Variants in NOL4 observed in about 807,000 individuals in gnomAD.
The protein encoded by NOL4 is nucleolar protein 4.
In NOL4, 17 loss-of-function variants were observed where a neutral mutation model predicts 75.9. That is an observed-to-expected ratio of 0.22 (90% CI 0.15 to 0.34). The LOEUF (loss-of-function observed/expected upper bound fraction) is 0.34. NOL4 is among the 10% of genes least tolerant of loss of function. The pLI is 1.00. For missense variants in NOL4, 614 were observed against 793.5 expected, an observed-to-expected ratio of 0.77 and a Z score of 2.72; for synonymous variants, 292 against 289.9, an observed-to-expected ratio of 1.01 and a Z score of -0.07.
rs564951073 is a variant in NOL4 at position 33,978,063 on chromosome 18, G to A, written c.1057-19645C>T. On this transcript the variant is annotated intron_variant, in intron 6 of 10. Transcript: ENST00000261592. ...CCCAGAACTCAGTCACATGGGCAAG[G>A]AAAATTTGGAAATGCTGTTTAACTG... 1.4e-4 allele frequency among the ~76,000 whole-genome samples: 22 copies of A among 152,252 alleles called. No homozygotes were observed. The South Asian group carries it at 2.1e-3, about 14-fold the overall frequency.
chr18:33,910,306 T>TTCA (rs2066319255), intron 9 of NOL4, among the ~76,000 whole-genome samples: 1 of 152,150 alleles, frequency 6.6e-6, no homozygotes, highest in Non-Finnish European at 1.5e-5. Context: ...TTACTTGCTC[T>TTCA]CTGGACTCTA....
chr18:34,221,742 C>CA, intron 1 of NOL4: 1 of 321,748 alleles, frequency 3.1e-6, no homozygotes, highest in Non-Finnish European at 5.6e-6. Context: ...CTCAGGAAAC[C>CA]ATAAACTGAT....
At chr18:34,183,521 C>G (rs1284944409) in intron 1 of NOL4, 5 of 151,908 alleles carry the variant, frequency 3.3e-5, no homozygotes, top group African/African-American at 1.2e-4. Flanking sequence ...AACTTACATT[C>G]ACATAAAAAC....
chr18:34,054,348 T>A (rs975583190), intron 5 of NOL4, among the ~76,000 whole-genome samples: 11 of 152,064 alleles, frequency 7.2e-5, no homozygotes, highest in Admixed American at 5.9e-4. Flanking sequence ...TTCCTTCAAT[T>A]CTGCCAATGT....
chr18:33,911,806 G>C (rs989109804), intron 9 of NOL4, among the ~76,000 whole-genome samples: 1 of 151,994 alleles, frequency 6.6e-6, no homozygotes, highest in Non-Finnish European at 1.5e-5. Flanking sequence ...CTGAAAAAAG[G>C]CCTGCAGCAG....
Position 33,960,484 on chromosome 18 carries a change from GCTCCAA to G in NOL4, c.1057-2072_1057-2067del, listed in dbSNP as rs559513045. The stretch of plus-strand genomic sequence containing the variant: ...TTAGTAGTAATTTCTAAAATCTCCT[GCTCCAA>G]CTCCAAGTATCTATCTCAAAGTCAA... On this transcript the variant is annotated intron_variant, in intron 6 of 10. Transcript: ENST00000261592. Among the ~76,000 whole-genome samples, 55 of 152,072 alleles carry G rather than the reference GCTCCAA, an allele frequency of 3.6e-4. 4 individuals carry two copies. The East Asian group carries it at 0.01, about 29-fold the overall frequency.
chr18:34,158,520 CT>C (rs2030860467), intron 1 of NOL4: 1 of 152,164 alleles, frequency 6.6e-6, no homozygotes, highest in Non-Finnish European at 1.5e-5. Flanking sequence ...GATTTTAGCA[CT>C]GGCATATAGA....
chr18:33,967,374 C>T (rs1600088834), intron 6 of NOL4, among the ~76,000 whole-genome samples: 1 of 152,096 alleles, frequency 6.6e-6, no homozygotes, highest in African/African-American at 2.4e-5. Context: ...TTCTAGAAGA[C>T]AACCTAGGAG....
intron 8 of NOL4, among the ~76,000 whole-genome samples, chr18:33,948,066 T>C (rs1463496666): frequency 1.3e-5 from 2 of 151,930 alleles, no homozygotes; most frequent in Non-Finnish European, 2.9e-5. Flanking sequence ...ACAGGATTTT[T>C]GCAATTACAA....
At chr18:34,006,540 C>T (rs888493764) in intron 6 of NOL4, among the ~76,000 whole-genome samples, 5 of 152,044 alleles carry the variant, frequency 3.3e-5, no homozygotes, top group African/African-American at 1.2e-4. Context: ...AACTGGACTG[C>T]TTCCATCATG....
intron 7 of NOL4, among the ~76,000 whole-genome samples, chr18:33,957,755 G>A (rs1015865690): frequency 2.0e-5 from 3 of 152,082 alleles, no homozygotes; most frequent in Non-Finnish European, 4.4e-5. Context: ...ATACAGAAAA[G>A]AATAGACTAT....
At chr18:34,052,833 T>C (rs1356613544) in intron 5 of NOL4, among the ~76,000 whole-genome samples, 1 of 152,028 alleles carries the variant, frequency 6.6e-6, no homozygotes, top group Non-Finnish European at 1.5e-5. Context: ...ATAACAAGCA[T>C]GTAGATACAG....
At chr18:34,137,591 T>C (rs1402699061) in intron 1 of NOL4, among the ~76,000 whole-genome samples, 1 of 152,086 alleles carries the variant, frequency 6.6e-6, no homozygotes, top group Non-Finnish European at 1.5e-5. Context: ...AAACACTACT[T>C]CACATGCACT....
chr18:34,063,732 AC>A (rs1312785399), intron 5 of NOL4, among the ~76,000 whole-genome samples: 1 of 152,078 alleles, frequency 6.6e-6, no homozygotes, highest in East Asian at 1.9e-4. Context: ...ATGATGTGAA[AC>A]AAAAATATAA....
At chr18:33,868,649 TCACACACA>T (rs10669407) in intron 10 of NOL4, among the ~76,000 whole-genome samples, 2,833 of 137,948 alleles carry the variant, frequency 0.021, 46 homozygotes, top group Non-Finnish European at 0.027. Context: ...TTCCTGTATT[TCACACACA>T]CACACACACA....
intron 6 of NOL4, among the ~76,000 whole-genome samples, chr18:33,981,154 T>C (rs114517320): frequency 0.016 from 2,371 of 151,482 alleles, 63 homozygotes; most frequent in African/African-American, 0.054. Flanking sequence ...CTTTCAAAAC[T>C]GAAAAGCAAA....
chr18:33,910,207 CA>C (rs2066310316), intron 9 of NOL4, among the ~76,000 whole-genome samples: 1 of 152,128 alleles, frequency 6.6e-6, no homozygotes, highest in Admixed American at 6.5e-5. Context: ...TTTTCTGGCA[CA>C]ATGAACATTC....
intron 1 of NOL4, among the ~76,000 whole-genome samples, chr18:34,136,499 C>T (rs1481182683): frequency 6.6e-6 from 1 of 151,902 alleles, no homozygotes; most frequent in Non-Finnish European, 1.5e-5. Context: ...AAATGAGTTC[C>T]AGTCAATATT....
intron 1 of NOL4, among the ~76,000 whole-genome samples, chr18:34,145,923 A>G (rs531485519): frequency 1.3e-5 from 2 of 152,234 alleles, no homozygotes; most frequent in South Asian, 4.1e-4. Flanking sequence ...CTTCAGTGAG[A>G]CTACATATAT....
Sources: gnomAD v4.1 joint callset for allele counts (sites outside exome capture counted in the v4.1 genomes callset) on GRCh38, gnomAD v4.1.1 for gene constraint, MANE v1.5 for transcripts, NCBI Gene and HGNC (gene_info 2026-07-23, HGNC 2026-07-21) for gene names.